CAPN3: variants seen among roughly 807,000 people sequenced by gnomAD.
CAPN3 encodes calpain-3.
Under a neutral mutation model 114.0 loss-of-function variants are expected in CAPN3, and 88 were observed. The observed-to-expected ratio is 0.77, with a 90% confidence interval of 0.65 to 0.92. CAPN3 has a LOEUF of 0.92. Ranked by LOEUF, CAPN3 falls within the 40% of genes least tolerant of loss-of-function variation. The probability of loss-of-function intolerance (pLI) is 0.00; values close to 1 mark genes in which losing one functional copy is unlikely to be tolerated. For synonymous variants in CAPN3, 386 were observed against 382.9 expected (o/e 1.01, Z -0.09); for missense variants, 1,028 against 1,069.0 (o/e 0.96, Z 0.53).
intron 15 of CAPN3, among the ~76,000 whole-genome samples, chr15:42,407,935 A>G (rs968506853): frequency 1.3e-5 from 2 of 152,178 alleles, no homozygotes; most frequent in African/African-American, 4.8e-5. Flanking sequence ...CAATCACTGC[A>G]CTAGATCATG....
intron 2 of CAPN3, among the ~76,000 whole-genome samples, chr15:42,385,510 T>A (rs185604837): frequency 0.014 from 2,130 of 149,262 alleles, 55 homozygotes; most frequent in African/African-American, 0.051. Context: ...ACACCCCCTA[T>A]TATATATATA....
intron 16 of CAPN3, 96 bp from the exon 17 acceptor site, chr15:42,409,206 GT>G: frequency 8.5e-7 from 1 of 1,171,450 alleles, no homozygotes; most frequent in Non-Finnish European, 1.3e-6. Context: ...ACCTCCGGCC[GT>G]TTTAGGCACT....
At chr15:42,395,433 C>T (rs2053663310) in intron 8 of CAPN3, among the ~76,000 whole-genome samples, 1 of 152,164 alleles carries the variant, frequency 6.6e-6, no homozygotes. Context: ...CGGGGAAGGA[C>T]AGGCAAGCAC....
intron 2 of CAPN3, chr15:42,385,853 TC>T: frequency 3.4e-6 from 2 of 588,280 alleles, no homozygotes; most frequent in Non-Finnish European, 6.6e-6. Context: ...CCAGTTATGA[TC>T]ACCTACTGCT....
chr15:42,397,253 C>G (rs540640775), intron 9 of CAPN3, among the ~76,000 whole-genome samples: 19 of 152,306 alleles, frequency 1.2e-4, no homozygotes, highest in Admixed American at 5.2e-4. Context: ...GGCTTCAAGT[C>G]TCAGCTTAAG....
chr15:42,398,840 A>C (rs1397932611), intron 9 of CAPN3, among the ~76,000 whole-genome samples: 2 of 140,946 alleles, frequency 1.4e-5, no homozygotes. Flanking sequence ...GCTGGCATAC[A>C]ATGGCGCAAT....
rs886042672 is a variant in CAPN3 at position 42,386,229 on chromosome 15, G to T, written c.442G>T (p.Val148Phe). 1.2e-6 allele frequency: 2 copies of T among 1,614,018 alleles called. No individual in the cohort carries two copies. The highest frequency in any genetic ancestry group is 1.7e-6 in the Non-Finnish European group (2 of 1,180,006). Residue 148 changes from valine (V) to phenylalanine (F), a missense_variant, in exon 3 of 24, where the codon GTC (valine) becomes TTC (phenylalanine). Val to Phe is a conservative substitution (Grantham distance 50). Coordinates refer to ENST00000397163, the MANE Select transcript of CAPN3 (RefSeq NM_000070.3). ...LTLNQHLLFRVIPHDQSFIEN... is the reference protein window; with the variant it reads ...LTLNQHLLFRFIPHDQSFIEN... ...CCTGAACCAGCACCTTCTTTTCCGA[G>T]TCATACCCCATGATCAAAGTTTCAT...
rs2053508064 is a variant in CAPN3 at position 42,389,897 on chromosome 15, T to G, written c.802-56T>G. ...CTCTCTCCTTCCCTTTCCACCCTTC[T>G]GTGTTTGTTCTCTCCCTCCCCTGTG... On this transcript the variant is annotated intron_variant, in intron 5 of 23. Coordinates refer to ENST00000397163, the MANE Select transcript of CAPN3 (RefSeq NM_000070.3). 4 of 1,591,120 alleles carry G rather than the reference T, an allele frequency of 2.5e-6. No homozygotes were observed. The South Asian group carries it at 4.4e-5, about 18-fold the overall frequency.
intron 1 of CAPN3, among the ~76,000 whole-genome samples, chr15:42,368,831 C>T (rs2052855944): frequency 6.6e-6 from 1 of 152,210 alleles, no homozygotes; most frequent in Non-Finnish European, 1.5e-5. Flanking sequence ...GCGGGTGGAT[C>T]ACTTGAGCCC....
chr15:42,408,362 G>C (rs767978063), intron 16 of CAPN3, 38 bp downstream of exon 16: 2 of 1,278,088 alleles, frequency 1.6e-6, no homozygotes, highest in Non-Finnish European at 2.3e-6. Flanking sequence ...TGGCCAGCAC[G>C]CTACAGGGGC....
chr15:42,371,930 C>G (rs917594987), intron 1 of CAPN3, among the ~76,000 whole-genome samples: 1 of 151,316 alleles, frequency 6.6e-6, no homozygotes, highest in Non-Finnish European at 1.5e-5. Flanking sequence ...TAGTACTGCA[C>G]TCTAGCCTGG....
chr15:42,386,411 A>T, intron 3 of CAPN3, 126 bp downstream of exon 3: 1 of 779,338 alleles, frequency 1.3e-6, no homozygotes, highest in Non-Finnish European at 2.3e-6. Flanking sequence ...AACAGTCGGC[A>T]TGGACCCCCT....
chr15:42,410,149 AG>A (rs1477242484), intron 19 of CAPN3, among the ~76,000 whole-genome samples, 154 bp downstream of exon 19: 2 of 152,130 alleles, frequency 1.3e-5, no homozygotes, highest in African/African-American at 4.8e-5. Flanking sequence ...CTCGTCTGAA[AG>A]GGGTTGTTAG....
chr15:42,384,715 G>A (rs927518706), intron 2 of CAPN3, among the ~76,000 whole-genome samples, 163 bp downstream of exon 2: 7 of 152,128 alleles, frequency 4.6e-5, no homozygotes, highest in African/African-American at 1.4e-4. Context: ...ACATGCTGGC[G>A]ATTGCTTCAT....
At chr15:42,396,741 C>T (rs1413433603) in intron 8 of CAPN3, 59 bp from the exon 9 acceptor site, 15 of 1,338,328 alleles carry the variant, frequency 1.1e-5, no homozygotes, top group Non-Finnish European at 1.6e-5. Flanking sequence ...CCTCCTGTCC[C>T]AACCTACATC....
Position 42,412,015 on chromosome 15 carries a change from G to A in CAPN3, c.*242G>A, listed in dbSNP as rs2054270873. ...CAAACCCTTGTCCCTTTGCCATGTG[G>A]AGGAAAGTGCCTGCCTCTGGTCCGA... On this transcript the variant is annotated 3_prime_UTR_variant, in exon 24 of 24. Transcript: ENST00000397163. 27 of 1,508,704 alleles carry A rather than the reference G, an allele frequency of 1.8e-5. No individual in the cohort carries two copies. The highest frequency in any genetic ancestry group is 2.3e-5 in the Non-Finnish European group (26 of 1,132,272). 93.5% of individuals were successfully genotyped at this position (1,508,704 alleles called of 1,614,324 possible).
chr15:42,401,928 G>A (rs2053883851), intron 11 of CAPN3, 118 bp downstream of exon 11: 10 of 1,334,346 alleles, frequency 7.5e-6, no homozygotes, highest in South Asian at 1.2e-5. Context: ...CAGAGCTCCT[G>A]GTATCAGGAC....
At chr15:42,402,699 C>T in intron 12 of CAPN3, 95 bp from the exon 13 acceptor site, 5 of 1,575,876 alleles carry the variant, frequency 3.2e-6, no homozygotes, top group Non-Finnish European at 4.3e-6. Flanking sequence ...CATGGGTGAC[C>T]AGGGAGTTGG....
chr15:42,362,501 C>A (rs1024779969), intron 1 of CAPN3, among the ~76,000 whole-genome samples: 3 of 152,160 alleles, frequency 2.0e-5, no homozygotes, highest in African/African-American at 7.2e-5. Context: ...CAACAAAGAT[C>A]CTGGATTTTC....
Sources: gnomAD v4.1 joint callset for allele counts (sites outside exome capture counted in the v4.1 genomes callset) on GRCh38, gnomAD v4.1.1 for gene constraint, MANE v1.5 for transcripts, NCBI Gene and HGNC (gene_info 2026-07-23, HGNC 2026-07-21) for gene names.